Variants in ERICH3 observed in about 807,000 individuals in gnomAD.
The protein encoded by ERICH3 is glutamate-rich protein 3.
A neutral mutation model predicts 131.1 loss-of-function variants in ERICH3; 126 were observed. That is an observed-to-expected ratio of 0.96 (90% CI 0.83 to 1.11). The LOEUF (loss-of-function observed/expected upper bound fraction) is 1.11. ERICH3 is among the 50% of genes most tolerant of loss of function. The pLI is 0.00. For synonymous variants in ERICH3, 695 were observed against 644.6 expected (o/e 1.08, Z -1.18); for missense variants, 2,050 against 1,810.7 (o/e 1.13, Z -2.40).
intron 7 of ERICH3, among the ~76,000 whole-genome samples, chr1:74,629,291 G>A (rs939359114): frequency 2.6e-5 from 4 of 151,364 alleles, no homozygotes; most frequent in African/African-American, 7.3e-5. Context: ...AAGTAGGAGA[G>A]AAAAGCTAAG....
intron 1 of ERICH3, among the ~76,000 whole-genome samples, chr1:74,661,997 G>A (rs1646646502): frequency 6.6e-6 from 1 of 152,172 alleles, no homozygotes; most frequent in African/African-American, 2.4e-5. Context: ...GTTTCAGACA[G>A]TTGGAATTTA....
chr1:74,666,777 T>TTTATATTCTA (rs988155198), intron 1 of ERICH3, among the ~76,000 whole-genome samples: 3 of 135,130 alleles, frequency 2.2e-5, no homozygotes, highest in African/African-American at 7.6e-5. Context: ...TACTACCTGG[T>TTTATATTCTA]TAAAAAAAAA....
chr1:74,571,342 C>T lies in ERICH3; in HGVS notation c.4368G>A (p.Glu1456=), dbSNP rs920364576. The T allele has an allele frequency of 6.8e-6, 11 of 1,613,938 alleles. No individual in the cohort carries two copies. The highest frequency in any genetic ancestry group is 9.3e-6 in the Non-Finnish European group (11 of 1,180,020). ...QEQEEGSEGQ[E]AATGSGDGRQ... Reference sequence around the variant, plus strand: ...TCCCATCGCCACTCCCAGTGGCTGCCTCCTGGCCCTCTGACCCTTCCTCTT... The same window carrying T: ...TCCCATCGCCACTCCCAGTGGCTGCTTCCTGGCCCTCTGACCCTTCCTCTT... Residue 1456 remains glutamate, a synonymous_variant, in exon 14 of 15, where the codon GAG becomes GAA. Coordinates refer to ENST00000326665, the MANE Select transcript of ERICH3 (RefSeq NM_001002912.5).
At chr1:74,635,788 C>G (rs973991317) in intron 6 of ERICH3, among the ~76,000 whole-genome samples, 1 of 152,132 alleles carries the variant, frequency 6.6e-6, no homozygotes. Context: ...ATAAACTCAG[C>G]ATTTTTTAAA....
chr1:74,651,629 C>T (rs1201996233), intron 1 of ERICH3, among the ~76,000 whole-genome samples: 1 of 152,070 alleles, frequency 6.6e-6, no homozygotes, highest in Non-Finnish European at 1.5e-5. Context: ...TTCCACAGTT[C>T]ACAGATTCTT....
intron 7 of ERICH3, among the ~76,000 whole-genome samples, chr1:74,629,433 A>T (rs1419672252): frequency 6.6e-6 from 1 of 152,152 alleles, no homozygotes; most frequent in Admixed American, 6.5e-5. Flanking sequence ...CAGGAGACAG[A>T]CATGATAAGG....
intron 9 of ERICH3, among the ~76,000 whole-genome samples, chr1:74,608,412 A>G (rs903661887): frequency 1.3e-5 from 2 of 152,036 alleles, no homozygotes; most frequent in African/African-American, 4.8e-5. Flanking sequence ...GAAAGGGATC[A>G]GAAAGCAGTC....
At chr1:74,646,446 C>T (rs1331817058) in intron 3 of ERICH3, among the ~76,000 whole-genome samples, 2 of 152,042 alleles carry the variant, frequency 1.3e-5, no homozygotes, top group African/African-American at 2.4e-5. Context: ...CGCTAGACTT[C>T]TGGCTCCTGG....
chr1:74,613,494 G>A (rs914012712), intron 8 of ERICH3, among the ~76,000 whole-genome samples: 7 of 152,156 alleles, frequency 4.6e-5, no homozygotes, highest in Admixed American at 3.3e-4. Flanking sequence ...TGATAAAGCA[G>A]TTAATAATAA....
At chr1:74,636,687 T>C (rs577806164) in intron 5 of ERICH3, among the ~76,000 whole-genome samples, 2 of 152,352 alleles carry the variant, frequency 1.3e-5, no homozygotes, top group African/African-American at 2.4e-5. Flanking sequence ...GGAGATGTCC[T>C]CCATTACATT....
At chr1:74,650,464 A>G (rs1386017707) in intron 1 of ERICH3, among the ~76,000 whole-genome samples, 2 of 152,160 alleles carry the variant, frequency 1.3e-5, no homozygotes, top group Non-Finnish European at 2.9e-5. Context: ...AGACATATAC[A>G]TAGATGTTAG....
chr1:74,632,729 T>TTA (rs1646352273), intron 6 of ERICH3, among the ~76,000 whole-genome samples: 1 of 151,944 alleles, frequency 6.6e-6, no homozygotes, highest in Non-Finnish European at 1.5e-5. Context: ...AATAAAAAGG[T>TTA]TCATATGGTA....
Position 74,636,307 on chromosome 1 carries a change from CAGCAATG to C in ERICH3, c.569_575del (p.Ser190TrpfsTer15). The C allele has an allele frequency of 6.2e-7, 1 of 1,607,014 alleles. No homozygotes were observed. Among genetic ancestry groups the C allele is most frequent in the Middle Eastern group, 1.7e-4 (1 of 6,016 alleles). On this transcript the variant is annotated frameshift_variant, in exon 6 of 15. Coordinates refer to ENST00000326665, the MANE Select transcript of ERICH3 (RefSeq NM_001002912.5). LOFTEE classifies it high-confidence loss of function. ...CAATGGGAAACAGAGCTTCATTTTC[CAGCAATG>C]AGGTTTTTGATCTGGACCTTGAAGT... is the stretch of plus-strand genomic sequence containing the variant.
At position 74,631,755 on chromosome 1, in the gene ERICH3, A is replaced by ACGAAAT. The variant is rs753690787; in HGVS notation, c.771_776dup (p.Phe258_Arg259dup). On this transcript the variant is annotated inframe_insertion, in exon 7 of 15. Coordinates refer to ENST00000326665, the MANE Select transcript of ERICH3 (RefSeq NM_001002912.5). ...CTAAGCCATTTGGAGCAGTGGTTGG[A>ACGAAAT]CGAAATCTTCTCCTTCTCCATGTTT... 1.2e-6 allele frequency: 2 copies of ACGAAAT among 1,613,544 alleles called. No homozygotes were observed. Among genetic ancestry groups the ACGAAAT allele is most frequent in the Non-Finnish European group, 1.7e-6 (2 of 1,179,626 alleles).
chr1:74,661,547 G>A (rs901545456), intron 1 of ERICH3, among the ~76,000 whole-genome samples: 1 of 152,172 alleles, frequency 6.6e-6, no homozygotes. Context: ...GAACAAGAAA[G>A]TGATTTATTG....
chr1:74,604,786 T>C (rs1648303926), intron 10 of ERICH3, among the ~76,000 whole-genome samples: 1 of 151,928 alleles, frequency 6.6e-6, no homozygotes, highest in Admixed American at 6.6e-5. Context: ...GCTTTGTTTG[T>C]TTCATTTATA....
At chr1:74,674,329 G>A (rs913781775), upstream of ERICH3, among the ~76,000 whole-genome samples, 2 of 152,166 alleles carry the variant, frequency 1.3e-5, no homozygotes, top group African/African-American at 2.4e-5. Context: ...TCCAGTACAT[G>A]GAATGCAGGG....
intron 6 of ERICH3, chr1:74,634,730 C>G: frequency 1.4e-6 from 1 of 701,158 alleles, no homozygotes; most frequent in East Asian, 2.7e-5. Flanking sequence ...ACTCATTGGA[C>G]TTTGAGTATT....
intron 1 of ERICH3, among the ~76,000 whole-genome samples, chr1:74,664,147 A>T (rs1201554349): frequency 6.6e-6 from 1 of 152,146 alleles, no homozygotes; most frequent in Non-Finnish European, 1.5e-5. Flanking sequence ...GTATAGTTTT[A>T]AAAACAGAAT....
Sources: allele counts gnomAD v4.1 joint callset (sites outside exome capture counted in the v4.1 genomes callset), GRCh38; gene constraint gnomAD v4.1.1; transcripts MANE v1.5; gene names NCBI Gene and HGNC (gene_info 2026-07-23, HGNC 2026-07-21).